Variants in INPP4A observed in about 807,000 individuals in gnomAD.
INPP4A encodes inositol polyphosphate-4-phosphatase type I A.
INPP4A carries 33 observed loss-of-function variants against 119.8 expected under a neutral mutation model. The observed-to-expected ratio is 0.28, with a 90% CI of 0.21 to 0.37. INPP4A has a LOEUF of 0.37. Ranked by LOEUF, INPP4A falls within the 10% of genes least tolerant of loss-of-function variation. The pLI is 1.00. For synonymous variants in INPP4A, 496 were observed against 500.7 expected (o/e 0.99, Z 0.12); for missense variants, 956 against 1,289.9 (o/e 0.74, Z 3.97).
intron 22 of INPP4A, chr2:98,568,998 C>G (rs537238754): frequency 4.6e-6 from 1 of 216,502 alleles, no homozygotes; most frequent in African/African-American, 2.3e-5. Flanking sequence ...GCAGGACCCA[C>G]CCTCGGCCAG....
intron 17 of INPP4A, among the ~76,000 whole-genome samples, chr2:98,562,438 G>A (rs1695658588): frequency 6.6e-6 from 1 of 152,250 alleles, no homozygotes; most frequent in Non-Finnish European, 1.5e-5. Flanking sequence ...CTAAGACAGA[G>A]TTTATCCTCT....
chr2:98,550,930 T>C (rs1020929167), intron 13 of INPP4A, among the ~76,000 whole-genome samples: 1 of 151,884 alleles, frequency 6.6e-6, no homozygotes, highest in Non-Finnish European at 1.5e-5. Flanking sequence ...ACTCTAAATA[T>C]TGGGGGCCTG....
Position 98,568,665 on chromosome 2 carries a change from G to A in INPP4A, c.2515G>A (p.Asp839Asn), listed in dbSNP as rs1161190998. 1 of 1,540,574 alleles carries A rather than the reference G, an allele frequency of 6.5e-7. No homozygotes were observed. The highest frequency in any genetic ancestry group is 8.9e-7 in the Non-Finnish European group (1 of 1,119,910). ...GCAGTTTAAGGAAGTTTTGCCTGAG[G>A]ATTGTAAGTATTTCTTCAGTCATGG... Reference protein sequence around the residue: ...FEQFKEVLPEDCLPRSRSQTC... With the variant: ...FEQFKEVLPENCLPRSRSQTC... The change falls in exon 22 of 25, where the codon GAT (aspartate) becomes AAT (asparagine). Residue 839 changes from aspartate to asparagine, a missense_variant. By Grantham distance (23) the Asp-to-Asn change is conservative (BLOSUM62 1). This residue lies in a region of INPP4A where 304 missense variants were observed against 492.1 expected (regional missense o/e 0.62). Coordinates refer to ENST00000409851, the MANE Select transcript of INPP4A (RefSeq NM_001134225.2).
rs1038869571 is a variant in INPP4A at position 98,576,983 on chromosome 2, T to C, written c.2632-6T>C. On this transcript the variant is annotated splice_region_variant and splice_polypyrimidine_tract_variant and intron_variant, in intron 23 of 24. Coordinates refer to ENST00000409851, the MANE Select transcript of INPP4A (RefSeq NM_001134225.2). ...CTCTAAGCACGGCCCATGTTTCTGT[T>C]GGCAGATCTGCCGCCGCCTTAATGG... is the stretch of plus-strand genomic sequence containing the variant. 12 of 1,610,188 alleles carry C rather than the reference T, an allele frequency of 7.5e-6. No homozygotes were observed. The highest frequency in any genetic ancestry group is 1.3e-5 in the African/African-American group (1 of 74,996).
At chr2:98,501,011 T>TA (rs1396959539) in intron 1 of INPP4A, among the ~76,000 whole-genome samples, 2 of 152,216 alleles carry the variant, frequency 1.3e-5, no homozygotes, top group African/African-American at 4.8e-5. Context: ...AAATTTAAGT[T>TA]AAAAAATGTG....
At chr2:98,563,337 G>GGGCTAGAGGGCTAGAGGGCT in intron 17 of INPP4A, 128 bp from the exon 18 acceptor site, 3 of 876,854 alleles carry the variant, frequency 3.4e-6, no homozygotes, top group Non-Finnish European at 5.3e-6. Flanking sequence ...GACAGAGCTG[G>GGGCTAGAGGGCTAGAGGGCT]AAGATGAGGT....
intron 4 of INPP4A, among the ~76,000 whole-genome samples, chr2:98,530,476 CA>C (rs1689018553): frequency 6.6e-6 from 1 of 152,030 alleles, no homozygotes; most frequent in Non-Finnish European, 1.5e-5. Flanking sequence ...ATCTAGAATC[CA>C]AAAGGCTAAA....
Position 98,589,821 on chromosome 2 carries a change from T to C in INPP4A, c.*2213T>C, listed in dbSNP as rs889415505. 15 of 188,686 alleles carry C rather than the reference T, an allele frequency of 7.9e-5. No homozygotes were observed. In the East Asian group the frequency reaches 1.0e-3, roughly 13 times the overall value. The allele number at this position is 188,686 out of a possible 1,614,324, so 11.7% of individuals were successfully genotyped here. On this transcript the variant is annotated 3_prime_UTR_variant, in exon 25 of 25. Coordinates refer to ENST00000409851, the MANE Select transcript of INPP4A (RefSeq NM_001134225.2). ...CGTAAAACAGAGGTTCCGTCCAGTGTTCCTTATGATGCCTCCCCATTTAAA... is the reference window on the plus strand; with the variant it reads ...CGTAAAACAGAGGTTCCGTCCAGTGCTCCTTATGATGCCTCCCCATTTAAA...
At chr2:98,521,094 G>C (rs1414770179) in intron 4 of INPP4A, 1 of 210,458 alleles carries the variant, frequency 4.8e-6, no homozygotes, top group African/African-American at 2.3e-5. Flanking sequence ...ACCGGGCATA[G>C]AGTTCAGCTT....
intron 1 of INPP4A, among the ~76,000 whole-genome samples, chr2:98,491,406 T>C (rs540682576): frequency 1.7e-4 from 26 of 152,338 alleles, no homozygotes; most frequent in African/African-American, 6.3e-4. Flanking sequence ...CATTGGCTCT[T>C]CTTTTTAAAG....
In INPP4A at chr2:98,591,672, A is replaced by C. The variant is rs1174032065; in HGVS notation, c.*4064A>C. Reference sequence around the variant, plus strand: ...TGGCACAATCTGGCTGCCCAGATCTAGGGGAGTTGTCCCAGGGAGGCTTTG... The same window carrying C: ...TGGCACAATCTGGCTGCCCAGATCTCGGGGAGTTGTCCCAGGGAGGCTTTG... On this transcript the variant is annotated 3_prime_UTR_variant, in exon 25 of 25. Coordinates refer to ENST00000409851, the MANE Select transcript of INPP4A (RefSeq NM_001134225.2). The C allele has an allele frequency of 7.9e-5, 12 of 152,200 alleles. 1 individual carries two copies. The highest frequency in any genetic ancestry group is 7.2e-4 in the Admixed American group (11 of 15,282). 9.4% of individuals were successfully genotyped at this position (152,200 alleles called of 1,614,324 possible). A position where few individuals can be genotyped will look rare whatever the true frequency, so the allele number is the denominator to read the frequency against.
chr2:98,501,665 A>C (rs1266793890), intron 1 of INPP4A, among the ~76,000 whole-genome samples: 1 of 152,082 alleles, frequency 6.6e-6, no homozygotes, highest in African/African-American at 2.4e-5. Flanking sequence ...CATTTGGGGC[A>C]CTCCACCAGC....
chr2:98,497,175 C>G (rs1426148531), intron 1 of INPP4A, among the ~76,000 whole-genome samples: 1 of 152,232 alleles, frequency 6.6e-6, no homozygotes, highest in Non-Finnish European at 1.5e-5. Context: ...TTGGCAGCTT[C>G]CACATGGTTT....
At chr2:98,552,149 C>A (rs923995664) in intron 13 of INPP4A, among the ~76,000 whole-genome samples, 1 of 152,110 alleles carries the variant, frequency 6.6e-6, no homozygotes, top group African/African-American at 2.4e-5. Context: ...ATGTTCTCCA[C>A]TTTTTCTTCA....
chr2:98,514,679 G>A (rs1395360446), intron 1 of INPP4A, among the ~76,000 whole-genome samples: 1 of 152,184 alleles, frequency 6.6e-6, no homozygotes, highest in African/African-American at 2.4e-5. Flanking sequence ...ACTTTGGGAG[G>A]TCAAGGTGGG....
intron 4 of INPP4A, among the ~76,000 whole-genome samples, chr2:98,523,714 G>A (rs988179537): frequency 1.3e-5 from 2 of 152,148 alleles, no homozygotes; most frequent in African/African-American, 4.8e-5. Flanking sequence ...TTTAAAAAGC[G>A]AGGAGTGGGA....
In INPP4A at chr2:98,590,813, C is replaced by A; in HGVS notation, c.*3205C>A. 1 of 228,024 alleles carries A rather than the reference C, an allele frequency of 4.4e-6. No homozygotes were observed. The highest frequency in any genetic ancestry group is 2.2e-5 in the African/African-American group (1 of 45,178). The allele number at this position is 228,024 out of a possible 1,614,324, so 14.1% of individuals were successfully genotyped here. On this transcript the variant is annotated 3_prime_UTR_variant, in exon 25 of 25. Coordinates refer to ENST00000409851, the MANE Select transcript of INPP4A (RefSeq NM_001134225.2). ...TCTTGGAGTTTTTAGTATTACCAAACTCCTAGAAATTTAAGCTACCACCAA... is the reference window on the plus strand; with the variant it reads ...TCTTGGAGTTTTTAGTATTACCAAAATCCTAGAAATTTAAGCTACCACCAA...
rs770740647 is a variant in INPP4A at position 98,537,992 on chromosome 2, C to T, written c.579+18C>T. 6 of 1,481,988 alleles carry T rather than the reference C, an allele frequency of 4.0e-6. No homozygotes were observed. Among genetic ancestry groups the T allele is most frequent in the Non-Finnish European group, 5.6e-6 (6 of 1,067,848 alleles). The allele number at this position is 1,481,988 out of a possible 1,614,324, so 91.8% of individuals were successfully genotyped here. ...ATGGGAGGGTGAGTTACACCACTTTCCTCCTCTCCCTTAGAAAGAGCAAGG... is the reference window on the plus strand; with the variant it reads ...ATGGGAGGGTGAGTTACACCACTTTTCTCCTCTCCCTTAGAAAGAGCAAGG... On this transcript the variant is annotated intron_variant, in intron 8 of 24. Coordinates refer to ENST00000409851, the MANE Select transcript of INPP4A (RefSeq NM_001134225.2).
At chr2:98,559,426 T>C (rs890041907) in intron 16 of INPP4A, 37 bp from the exon 17 acceptor site, 5 of 1,613,286 alleles carry the variant, frequency 3.1e-6, no homozygotes, top group Non-Finnish European at 3.4e-6. Flanking sequence ...TGTGTGCTGC[T>C]CCTTAATCAT....
Sources: gnomAD v4.1 joint callset for allele counts (sites outside exome capture counted in the v4.1 genomes callset) on GRCh38, gnomAD v4.1.1 for gene constraint, gnomAD v4.1.1 regional missense constraint, MANE v1.5 for transcripts, NCBI Gene and HGNC (gene_info 2026-07-23, HGNC 2026-07-21) for gene names.